Variants in DCAF5 observed in about 807,000 individuals in gnomAD.
DCAF5 encodes the protein DDB1 and CUL4 associated factor 5.
DCAF5 carries 9 observed loss-of-function variants against 80.7 expected under a neutral mutation model. That is an observed-to-expected ratio of 0.11 (90% confidence interval 0.07 to 0.19). DCAF5 has a LOEUF of 0.19. Ranked by LOEUF, DCAF5 falls within the 10% of genes least tolerant of loss-of-function variation. The pLI is 1.00. For synonymous variants in DCAF5, 433 were observed against 461.9 expected (o/e 0.94, Z 0.80); for missense variants, 842 against 1,205.7 (o/e 0.70, Z 4.47).
In DCAF5 at chr14:69,118,320, C is replaced by A. The variant is rs376583954; in HGVS notation, c.396-42G>T. ...CAAGACAGAGGCACACACATACACA[C>A]AAGCATAGTGCAGAGTCCCAGCACT... On this transcript the variant is annotated intron_variant, in intron 3 of 8. Coordinates refer to ENST00000341516, the MANE Select transcript of DCAF5 (RefSeq NM_003861.3). The surrounding 1 kb of genome is among the most constrained non-coding windows in gnomAD (Gnocchi z 4.0). 1.2e-6 allele frequency: 2 copies of A among 1,603,976 alleles called. No homozygotes were observed. The highest frequency in any genetic ancestry group is 2.7e-5 in the African/African-American group (2 of 74,770).
At chr14:69,141,575 A>C (rs747177028) in intron 1 of DCAF5, among the ~76,000 whole-genome samples, 13 of 152,146 alleles carry the variant, frequency 8.5e-5, no homozygotes, top group Non-Finnish European at 1.6e-4. Context: ...TTAAGAATGA[A>C]AGGAACACTA....
chr14:69,127,364 T>A (rs1157813154), intron 1 of DCAF5, among the ~76,000 whole-genome samples: 1 of 152,124 alleles, frequency 6.6e-6, no homozygotes, highest in African/African-American at 2.4e-5. Context: ...TAAGTACACA[T>A]TACCAAATGA....
intron 7 of DCAF5, among the ~76,000 whole-genome samples, chr14:69,071,428 A>G (rs187745637): frequency 6.6e-6 from 1 of 152,300 alleles, no homozygotes; most frequent in African/African-American, 2.4e-5. Context: ...AGCACTCGGC[A>G]CGCACATGAA....
intron 1 of DCAF5, among the ~76,000 whole-genome samples, chr14:69,151,603 T>C (rs377586941): frequency 7.5e-4 from 114 of 151,804 alleles, no homozygotes; most frequent in Middle Eastern, 3.4e-3. Flanking sequence ...TCACCCCCCC[T>C]CCCCTGAGCC....
intron 7 of DCAF5, among the ~76,000 whole-genome samples, chr14:69,062,776 A>G (rs532783966): frequency 6.6e-5 from 10 of 152,298 alleles, no homozygotes; most frequent in Admixed American, 4.6e-4. Context: ...AATGAAACCA[A>G]AGCCACTTAA....
intron 1 of DCAF5, among the ~76,000 whole-genome samples, chr14:69,137,553 T>C (rs2041232449): frequency 1.3e-5 from 2 of 151,698 alleles, no homozygotes; most frequent in Admixed American, 6.5e-5. Flanking sequence ...TCTTTGGCAA[T>C]TCTAAAAAGA....
chr14:69,054,047 T>A lies in DCAF5; in HGVS notation c.2639A>T (p.His880Leu), dbSNP rs779032272. ...DNSSLTGTLL[H>L]KDCCGSEMAC... ...CATTTCAGACCCGCAACAATCTTTG[T>A]GTAGGAGTGTCCCTGTCAGGGACGA... The change falls in exon 9 of 9, where the codon CAC becomes CTC. Residue 880 changes from histidine (H) to leucine (L), a missense_variant. This residue lies in a region of DCAF5 where 607 missense variants were observed against 656.6 expected (regional missense o/e 0.92). Coordinates refer to ENST00000341516, the MANE Select transcript of DCAF5 (RefSeq NM_003861.3). 9.0e-5 allele frequency: 145 copies of A among 1,613,654 alleles called. No homozygotes were observed. The highest frequency in any genetic ancestry group is 9.0e-5 in the Non-Finnish European group (106 of 1,179,742).
intron 6 of DCAF5, chr14:69,085,291 G>C: frequency 9.8e-6 from 7 of 715,794 alleles, no homozygotes; most frequent in South Asian, 9.7e-5. Context: ...AGTAGGCAGT[G>C]GTGGATTTGG....
rs550716784 is a variant in DCAF5, at chr14:69,075,305, G to C, written c.946+40C>G. ...GCACAGCATGCCAAAGGTCAACAGAGCCAGCAATAGCAGTACATTCATGTG... is the reference window on the plus strand; with the variant it reads ...GCACAGCATGCCAAAGGTCAACAGACCCAGCAATAGCAGTACATTCATGTG... On this transcript the variant is annotated intron_variant, in intron 7 of 8. Coordinates refer to ENST00000341516, the MANE Select transcript of DCAF5 (RefSeq NM_003861.3). 17 of 1,563,984 alleles carry C rather than the reference G, an allele frequency of 1.1e-5. No individual in the cohort carries two copies. The East Asian group carries it at 1.8e-4, about 17-fold the overall frequency.
intron 2 of DCAF5, 21 bp from the exon 3 acceptor site, chr14:69,119,251 C>T (rs757989572): frequency 6.2e-7 from 1 of 1,612,094 alleles, no homozygotes; most frequent in Non-Finnish European, 8.5e-7. Context: ...AAAAAGCAGA[C>T]ATCTGATCAT....
rs1271874793 is a variant in DCAF5 at position 69,114,333 on chromosome 14, G to A, written c.665+2033C>T. ...CCAAAAACTGGAAACAAGAAGCCCTGGTTGTTGGGTACATCATATAAATTG... is the reference window on the plus strand; with the variant it reads ...CCAAAAACTGGAAACAAGAAGCCCTAGTTGTTGGGTACATCATATAAATTG... On this transcript the variant is annotated intron_variant, in intron 5 of 8. Coordinates refer to ENST00000341516, the MANE Select transcript of DCAF5 (RefSeq NM_003861.3). Among the ~76,000 whole-genome samples the A allele has an allele frequency of 9.9e-5, 15 of 152,134 alleles. 1 individual carries two copies. Among genetic ancestry groups the A allele is most frequent in the Admixed American group, 9.8e-4 (15 of 15,276 alleles).
chr14:69,107,338 C>T (rs1027170067), intron 5 of DCAF5, among the ~76,000 whole-genome samples: 3 of 152,158 alleles, frequency 2.0e-5, no homozygotes, highest in African/African-American at 4.8e-5. Flanking sequence ...CAACATGGAC[C>T]TCTCTGATTA....
At chr14:69,131,930 G>GTGTCT (rs892445712) in intron 1 of DCAF5, among the ~76,000 whole-genome samples, 1 of 152,084 alleles carries the variant, frequency 6.6e-6, no homozygotes, top group Non-Finnish European at 1.5e-5. Flanking sequence ...ACTTGGCACA[G>GTGTCT]TGTCTTCAAG....
Position 69,122,284 on chromosome 14 carries a change from T to C in DCAF5, c.291A>G (p.Lys97=), listed in dbSNP as rs756945340. 7 of 1,613,958 alleles carry C rather than the reference T, an allele frequency of 4.3e-6. No homozygotes were observed. The East Asian group carries it at 1.6e-4, about 36-fold the overall frequency. The change falls in exon 2 of 9, where the codon AAA becomes AAG. Residue 97 remains lysine, a synonymous_variant. Coordinates refer to ENST00000341516, the MANE Select transcript of DCAF5 (RefSeq NM_003861.3). ...AAAAAATGTTGGAATGGTGCTCTCC[T>C]TTCAGCTGTATGGGCTTGACCCTGG... is the stretch of plus-strand genomic sequence containing the variant. ...IHSRVKPIQL[K]GEHHSNIFCL...
chr14:69,136,067 A>G (rs1224004694), intron 1 of DCAF5, among the ~76,000 whole-genome samples: 1 of 151,976 alleles, frequency 6.6e-6, no homozygotes, highest in Non-Finnish European at 1.5e-5. Context: ...ACAGTTATCT[A>G]AGACATTAAC....
chr14:69,119,130 A>T (rs748628875), intron 3 of DCAF5, 64 bp downstream of exon 3: 2 of 1,531,576 alleles, frequency 1.3e-6, no homozygotes, highest in Non-Finnish European at 1.8e-6. Context: ...GTCTAAAGAG[A>T]TATTTGCCTC....
At position 69,055,482 on chromosome 14, in the gene DCAF5, G is replaced by C; in HGVS notation, c.1204C>G (p.His402Asp). The C allele has an allele frequency of 6.2e-7, 1 of 1,614,200 alleles. No individual in the cohort carries two copies. Among genetic ancestry groups the C allele is most frequent in the Non-Finnish European group, 8.5e-7 (1 of 1,180,050 alleles). Residue 402 changes from histidine (H) to aspartate (D), a missense_variant, in exon 9 of 9, where the codon CAT (histidine) becomes GAT (aspartate). His to Asp is a moderately conservative substitution (Grantham distance 81, BLOSUM62 -1). Coordinates refer to ENST00000341516, the MANE Select transcript of DCAF5 (RefSeq NM_003861.3). This position sits in a 1 kb window ranked among gnomAD's most constrained non-coding sequence, Gnocchi z 5.6. ...LVLNSGSGLS[H>D]DYANQSVQED... ...TGGACCGACTGGTTGGCGTAGTCAT[G>C]CGACAGGCCACTCCCACTGTTCAGC...
chr14:69,117,306 C>T (rs1033730724), intron 4 of DCAF5, among the ~76,000 whole-genome samples: 2 of 152,176 alleles, frequency 1.3e-5, no homozygotes, highest in Non-Finnish European at 2.9e-5. Context: ...CTTCGTGCTA[C>T]CTTACCTGCC....
Position 69,053,885 on chromosome 14 carries a change from G to A in DCAF5, c.2801C>T (p.Ser934Phe), listed in dbSNP as rs760985782. ...TGTTTTTAATTTCTTCTCTGAGGAG[G>A]AATTCTCTGAATCTGTATCTTCCAA... The part of the protein sequence containing the change: ...IELEDTDSEN[S>F]SSEKKLKT Residue 934 changes from serine to phenylalanine, a missense_variant, in exon 9 of 9, where the codon TCC becomes TTC. Around this residue, in one of 5 missense-constraint regions of DCAF5, gnomAD observed 607 missense variants for 656.6 expected, o/e 0.92. Coordinates refer to ENST00000341516, the MANE Select transcript of DCAF5 (RefSeq NM_003861.3). 47 of 1,608,620 alleles carry A rather than the reference G, an allele frequency of 2.9e-5. 1 individual carries two copies. The South Asian group carries it at 5.2e-4, about 18-fold the overall frequency.
Sources: allele counts gnomAD v4.1 joint callset (sites outside exome capture counted in the v4.1 genomes callset), GRCh38; gene constraint gnomAD v4.1.1; regional missense constraint gnomAD v4.1.1; non-coding constraint Gnocchi (gnomAD v3.1); transcripts MANE v1.5; gene names NCBI Gene and HGNC (gene_info 2026-07-23, HGNC 2026-07-21).